HPSE2: variants seen among roughly 807,000 people sequenced by gnomAD.
HPSE2 encodes inactive heparanase-2.
HPSE2 carries 38 observed loss-of-function variants against 60.5 expected under a neutral mutation model. The ratio of observed to expected loss-of-function variants is 0.63; its 90% CI spans 0.48 to 0.82. The LOEUF is 0.82. Ranked by LOEUF, HPSE2 falls within the 40% of genes least tolerant of loss-of-function variation. The probability of loss-of-function intolerance (pLI) is 0.00; values close to 1 mark genes in which losing one functional copy is unlikely to be tolerated. For synonymous variants in HPSE2, 295 were observed against 293.2 expected (o/e 1.01, Z -0.06); for missense variants, 713 against 740.4 (o/e 0.96, Z 0.43).
At chr10:98,480,534 G>A (rs1444257747) in intron 11 of HPSE2, among the ~76,000 whole-genome samples, 1 of 152,132 alleles carries the variant, frequency 6.6e-6, no homozygotes, top group Non-Finnish European at 1.5e-5. Flanking sequence ...GTTAAGGTAT[G>A]GCCAGCTCCA....
At chr10:99,138,152 A>G (rs1054875494) in intron 3 of HPSE2, among the ~76,000 whole-genome samples, 1 of 152,256 alleles carries the variant, frequency 6.6e-6, no homozygotes, top group Non-Finnish European at 1.5e-5. Flanking sequence ...GCTCATCATC[A>G]CTGGTCATTG....
intron 3 of HPSE2, among the ~76,000 whole-genome samples, chr10:98,923,065 C>T (rs1293404042): frequency 2.0e-5 from 3 of 152,112 alleles, no homozygotes; most frequent in African/African-American, 4.8e-5. Context: ...CTCTCTCTAG[C>T]CTTTCTTATA....
At chr10:98,810,307 A>T (rs1357922297) in intron 3 of HPSE2, among the ~76,000 whole-genome samples, 1 of 152,118 alleles carries the variant, frequency 6.6e-6, no homozygotes, top group Admixed American at 6.6e-5. Flanking sequence ...AACTAATACA[A>T]TTTAGGGAGC....
chr10:99,274,355 T>TA, the HPSE2 span, among the ~76,000 whole-genome samples: 2 of 152,036 alleles, frequency 1.3e-5, no homozygotes, highest in African/African-American at 4.8e-5. Context: ...AGAAACAGTG[T>TA]AAGGCAAGAA....
At chr10:98,719,499 G>T (rs897792911) in intron 5 of HPSE2, among the ~76,000 whole-genome samples, 2 of 151,666 alleles carry the variant, frequency 1.3e-5, no homozygotes, top group Admixed American at 1.3e-4. Context: ...ATAAAAAGAT[G>T]TAAAGGTATA....
intron 4 of HPSE2, among the ~76,000 whole-genome samples, chr10:98,725,477 C>T (rs1221311115): frequency 6.6e-6 from 1 of 152,124 alleles, no homozygotes; most frequent in Non-Finnish European, 1.5e-5. Flanking sequence ...ACACCTTATA[C>T]AAAAATTAAT....
At chr10:98,858,896 T>C (rs1398584787) in intron 3 of HPSE2, among the ~76,000 whole-genome samples, 1 of 152,194 alleles carries the variant, frequency 6.6e-6, no homozygotes, top group African/African-American at 2.4e-5. Flanking sequence ...ATAGTCCACA[T>C]GCTAACTCCA....
intron 3 of HPSE2, among the ~76,000 whole-genome samples, chr10:99,056,971 T>A (rs1333058785): frequency 6.6e-6 from 1 of 152,116 alleles, no homozygotes; most frequent in Non-Finnish European, 1.5e-5. Context: ...AGGTTAAGCT[T>A]AAACAAGAAA....
intron 3 of HPSE2, among the ~76,000 whole-genome samples, chr10:99,054,701 ATTGTTTT>A (rs1207752526): frequency 6.6e-6 from 1 of 152,082 alleles, no homozygotes; most frequent in Non-Finnish European, 1.5e-5. Context: ...TACAATATTT[ATTGTTTT>A]TTGTTTGTTT....
intron 3 of HPSE2, among the ~76,000 whole-genome samples, chr10:98,744,930 T>C (rs1403789095): frequency 6.6e-6 from 1 of 152,126 alleles, no homozygotes; most frequent in Non-Finnish European, 1.5e-5. Flanking sequence ...TTGCCGGGCG[T>C]GGTGGCTCAC....
chr10:98,901,698 G>A (rs865817891), intron 3 of HPSE2, among the ~76,000 whole-genome samples: 2 of 152,202 alleles, frequency 1.3e-5, no homozygotes, highest in African/African-American at 4.8e-5. Flanking sequence ...ATAACAGAGA[G>A]AGTTTATATA....
At chr10:99,254,731 C>T in the HPSE2 span, among the ~76,000 whole-genome samples, 1 of 152,052 alleles carries the variant, frequency 6.6e-6, no homozygotes, top group African/African-American at 2.4e-5. Flanking sequence ...TACTATCTGA[C>T]AATTATAAGA....
chr10:98,674,442 G>A (rs1013214907), intron 6 of HPSE2, among the ~76,000 whole-genome samples: 1 of 152,196 alleles, frequency 6.6e-6, no homozygotes, highest in Non-Finnish European at 1.5e-5. Context: ...AAAGCACTGA[G>A]AACTTGATAA....
intron 3 of HPSE2, among the ~76,000 whole-genome samples, chr10:98,805,569 A>T (rs2134547086): frequency 6.6e-6 from 1 of 152,292 alleles, no homozygotes; most frequent in East Asian, 1.9e-4. Flanking sequence ...TAAAAAGATT[A>T]AAAAAATAAA....
chr10:98,549,901 T>C (rs370263698), intron 9 of HPSE2, among the ~76,000 whole-genome samples: 18 of 152,308 alleles, frequency 1.2e-4, no homozygotes, highest in African/African-American at 3.4e-4. Context: ...AGCAATATCA[T>C]CTACTCCCAC....
In HPSE2 at chr10:98,743,785, C is replaced by T. The variant is rs776194195; in HGVS notation, c.784+98G>A. 5 of 1,124,928 alleles carry T rather than the reference C, an allele frequency of 4.4e-6. No individual in the cohort carries two copies. The South Asian group carries it at 6.3e-5, about 14-fold the overall frequency. 69.7% of individuals were successfully genotyped at this position (1,124,928 alleles called of 1,614,324 possible). ...CCAAACATCACAAACGTTTTCTGGG[C>T]CAGGGTACTAGAGATGGTCTGATTG... is the stretch of plus-strand genomic sequence containing the variant. On this transcript the variant is annotated intron_variant, in intron 4 of 11. Coordinates refer to ENST00000370552, the MANE Select transcript of HPSE2 (RefSeq NM_021828.5).
At chr10:98,599,100 C>T (rs1444704892) in intron 9 of HPSE2, among the ~76,000 whole-genome samples, 11 of 152,128 alleles carry the variant, frequency 7.2e-5, no homozygotes, top group Admixed American at 7.2e-4. Context: ...AACCTTGGGT[C>T]TGCTGGAGCT....
chr10:98,982,910 T>C (rs1051130924), intron 3 of HPSE2, among the ~76,000 whole-genome samples: 3 of 152,198 alleles, frequency 2.0e-5, no homozygotes, highest in Non-Finnish European at 2.9e-5. Flanking sequence ...CTAGAAAACA[T>C]GAAAAACAAC....
rs139059340 is a variant in HPSE2, at chr10:98,552,888, C to T, written c.1320+62016G>A. ...ATTTTAGCCTGCTGAATATTAGAGT[C>T]GTCCATCAGCTACTACACTGCAAGA... On this transcript the variant is annotated intron_variant, in intron 9 of 11. Coordinates refer to ENST00000370552, the MANE Select transcript of HPSE2 (RefSeq NM_021828.5). Among the ~76,000 whole-genome samples the T allele has an allele frequency of 6.3e-3, 961 of 152,200 alleles. 12 individuals are homozygous for T. Among genetic ancestry groups the T allele is most frequent in the African/African-American group, 0.022 (899 of 41,518 alleles).
Sources: gnomAD v4.1 joint callset for allele counts (sites outside exome capture counted in the v4.1 genomes callset) on GRCh38, gnomAD v4.1.1 for gene constraint, MANE v1.5 for transcripts, NCBI Gene and HGNC (gene_info 2026-07-23, HGNC 2026-07-21) for gene names.